The following RPGRIP1L variants were observed in gnomAD, a reference collection of about 807,000 sequenced individuals.
The protein encoded by RPGRIP1L is protein fantom.
RPGRIP1L carries 131 observed loss-of-function variants against 160.4 expected under a neutral mutation model. That is an observed-to-expected ratio of 0.82 (90% CI 0.71 to 0.94). RPGRIP1L has a LOEUF of 0.94. RPGRIP1L is among the 40% of genes least tolerant of loss of function. The pLI, the probability that RPGRIP1L is intolerant of heterozygous loss-of-function variation, is 0.00. For missense variants in RPGRIP1L, 1,522 were observed against 1,535.8 expected (o/e 0.99, Z 0.15); for synonymous variants, 510 against 515.8 (o/e 0.99, Z 0.15).
intron 16 of RPGRIP1L, among the ~76,000 whole-genome samples, chr16:53,646,863 T>A (rs1277447981): frequency 6.6e-6 from 1 of 152,192 alleles, no homozygotes; most frequent in African/African-American, 2.4e-5. Flanking sequence ...GCTGTTGTCA[T>A]AATCTCCTTA....
rs763837182 is a variant in RPGRIP1L at position 53,696,181 on chromosome 16, T to C, written c.200A>G (p.His67Arg). 2 of 1,614,062 alleles carry C rather than the reference T, an allele frequency of 1.2e-6. No individual in the cohort carries two copies. Among genetic ancestry groups the C allele is most frequent in the East Asian group, 2.2e-5 (1 of 44,842 alleles). The change falls in exon 3 of 27, where the codon CAT (histidine) becomes CGT (arginine). Residue 67 changes from histidine (H) to arginine (R), a missense_variant. Transcript: ENST00000647211. ...LHDENILLKQ[H>R]ARKQEDKIKR... Reference sequence around the variant, plus strand: ...AATTTTATCCTCCTGCTTGCGGGCATGCTGTTTAAGTAAAATGTTCTCATC... The same window carrying C: ...AATTTTATCCTCCTGCTTGCGGGCACGCTGTTTAAGTAAAATGTTCTCATC...
At chr16:53,625,193 A>AG (rs1965015049) in intron 22 of RPGRIP1L, among the ~76,000 whole-genome samples, 1 of 150,472 alleles carries the variant, frequency 6.6e-6, no homozygotes, top group South Asian at 2.1e-4. Context: ...CACCCCGTCT[A>AG]GGAAGTGAGG....
At chr16:53,666,254 C>T (rs1459430376) in intron 9 of RPGRIP1L, among the ~76,000 whole-genome samples, 4 of 152,070 alleles carry the variant, frequency 2.6e-5, no homozygotes, top group Non-Finnish European at 4.4e-5. Flanking sequence ...TTTAAGATAA[C>T]ATGACCTTGA....
At chr16:53,677,811 A>G (rs1289254020) in intron 6 of RPGRIP1L, among the ~76,000 whole-genome samples, 1 of 152,156 alleles carries the variant, frequency 6.6e-6, no homozygotes, top group Non-Finnish European at 1.5e-5. Flanking sequence ...CTTAGGGCTA[A>G]TTTTATGAGT....
chr16:53,693,377 A>G (rs1175576166), intron 3 of RPGRIP1L: 2 of 152,236 alleles, frequency 1.3e-5, no homozygotes, highest in East Asian at 3.8e-4. Flanking sequence ...ACTTAAGGGA[A>G]CAAAAGTGAA....
chr16:53,699,379 TGATC>T (rs1196033497), intron 2 of RPGRIP1L, among the ~76,000 whole-genome samples: 1 of 82,212 alleles, frequency 1.2e-5, no homozygotes, highest in Non-Finnish European at 2.2e-5. Context: ...CACCCAAGAA[TGATC>T]AATAAAAAAA....
In RPGRIP1L at chr16:53,671,579, T is replaced by C; in HGVS notation, c.1034A>G (p.Gln345Arg). The C allele has an allele frequency of 1.3e-6, 2 of 1,507,742 alleles. No homozygotes were observed. The highest frequency in any genetic ancestry group is 1.4e-5 in the African/African-American group (1 of 72,878). 93.4% of individuals were successfully genotyped at this position (1,507,742 alleles called of 1,614,324 possible). A position where few individuals can be genotyped will look rare whatever the true frequency, so the allele number is the denominator to read the frequency against. The change falls in exon 9 of 27, where the codon CAG (glutamine) becomes CGG (arginine). Residue 345 changes from glutamine to arginine, a missense_variant. Physicochemically the swap from Gln to Arg is conservative, Grantham distance 43. Transcript: ENST00000647211. ...CTTTTCTAAATCATTAATTCTATCC[T>C]GCAGCTAAAATGAAAATAAAATTAC... ...KFSERRIEELQDRINDLEKER... is the reference protein window; with the variant it reads ...KFSERRIEELRDRINDLEKER...
chr16:53,648,374 C>T (rs1033962517), intron 16 of RPGRIP1L, among the ~76,000 whole-genome samples: 2 of 152,118 alleles, frequency 1.3e-5, no homozygotes, highest in African/African-American at 4.8e-5. Context: ...TTTGGAAGCA[C>T]AATAACTGAT....
intron 4 of RPGRIP1L, among the ~76,000 whole-genome samples, chr16:53,689,626 G>T (rs922143172): frequency 1.3e-5 from 2 of 152,176 alleles, no homozygotes; most frequent in East Asian, 3.8e-4. Context: ...GATGGTAAAG[G>T]TTGCTTGTGG....
intron 22 of RPGRIP1L, among the ~76,000 whole-genome samples, chr16:53,628,099 G>T (rs1965294637): frequency 1.3e-5 from 2 of 151,288 alleles, no homozygotes; most frequent in African/African-American, 4.9e-5. Context: ...ATTATAAATT[G>T]GTATTATTTA....
chr16:53,673,135 T>C (rs746303921), intron 7 of RPGRIP1L, 119 bp from the exon 8 acceptor site: 15 of 949,948 alleles, frequency 1.6e-5, no homozygotes, highest in East Asian at 7.9e-5. Flanking sequence ...AAGTTCACCT[T>C]ATACAGATTA....
chr16:53,629,405 GC>G (rs570367728), intron 22 of RPGRIP1L, among the ~76,000 whole-genome samples: 1 of 152,148 alleles, frequency 6.6e-6, no homozygotes, highest in South Asian at 2.1e-4. Context: ...CTCTGGTGGG[GC>G]CAAGGATTTG....
rs767564258 is a variant in RPGRIP1L, at chr16:53,610,963, A to T, written c.3701+4T>A. 1.9e-6 allele frequency: 3 copies of T among 1,596,700 alleles called. No homozygotes were observed. The highest frequency in any genetic ancestry group is 2.6e-6 in the Non-Finnish European group (3 of 1,164,200). On this transcript the variant is annotated splice_donor_region_variant and intron_variant, in intron 25 of 26. Coordinates refer to ENST00000647211, the MANE Select transcript of RPGRIP1L (RefSeq NM_015272.5). ...ATTAGATTATTTGGACTGCCAAAACATACCTTCTATTAGGCATCTCTTGTT... is the reference window on the plus strand; with the variant it reads ...ATTAGATTATTTGGACTGCCAAAACTTACCTTCTATTAGGCATCTCTTGTT...
intron 25 of RPGRIP1L, chr16:53,607,930 T>C (rs1186866344): frequency 2.1e-6 from 2 of 965,516 alleles, no homozygotes; most frequent in Admixed American, 6.2e-5. Context: ...CTTTCAACAC[T>C]GCCAAAACAA....
chr16:53,665,347 A>G (rs1416379190), intron 9 of RPGRIP1L, among the ~76,000 whole-genome samples: 1 of 152,206 alleles, frequency 6.6e-6, no homozygotes, highest in African/African-American at 2.4e-5. Context: ...AGCAATTGAC[A>G]TCGGACAAAA....
intron 3 of RPGRIP1L, among the ~76,000 whole-genome samples, chr16:53,692,673 G>C (rs1218197757): frequency 6.6e-6 from 1 of 152,182 alleles, no homozygotes; most frequent in African/African-American, 2.4e-5. Context: ...CCTTATATAG[G>C]AATGCTGTAC....
chr16:53,660,903 A>AG (rs1967736007), intron 10 of RPGRIP1L, among the ~76,000 whole-genome samples: 2 of 151,824 alleles, frequency 1.3e-5, no homozygotes, highest in South Asian at 4.2e-4. Context: ...AAAAAAAAAA[A>AG]AAAAAATCAA....
In RPGRIP1L at chr16:53,636,515, G is replaced by A. The variant is rs752911154; in HGVS notation, c.3221-3C>T. On this transcript the variant is annotated splice_polypyrimidine_tract_variant and splice_region_variant and intron_variant, in intron 21 of 26. Transcript: ENST00000647211. The stretch of plus-strand genomic sequence containing the variant: ...AGAAGCTGACATGTCCTCTTCAACT[G>A]TTTAAAAAATAAAAGGGTAACATTT... 5.6e-6 allele frequency: 9 copies of A among 1,605,514 alleles called. No homozygotes were observed. The African/African-American group carries it at 6.7e-5, about 12-fold the overall frequency.
intron 15 of RPGRIP1L, 66 bp downstream of exon 15, chr16:53,652,469 A>G: frequency 8.3e-7 from 1 of 1,203,258 alleles, no homozygotes; most frequent in Non-Finnish European, 1.2e-6. Context: ...AGTAATGTAG[A>G]GTACCATAAC....
Sources: allele counts gnomAD v4.1 joint callset (sites outside exome capture counted in the v4.1 genomes callset), GRCh38; gene constraint gnomAD v4.1.1; transcripts MANE v1.5; gene names NCBI Gene and HGNC (gene_info 2026-07-23, HGNC 2026-07-21).